Variants in MTAP observed in about 807,000 individuals in gnomAD.
MTAP encodes S-methyl-5'-thioadenosine phosphorylase.
MTAP carries 33 observed loss-of-function variants against 33.6 expected under a neutral mutation model. The observed-to-expected ratio is 0.98, with a 90% CI of 0.74 to 1.31. The LOEUF is 1.31. MTAP is among the 40% of genes most tolerant of loss of function. MTAP has a pLI of 0.00. For synonymous variants in MTAP, 148 were observed against 125.7 expected, an observed-to-expected ratio of 1.18 and a Z score of -1.19; for missense variants, 367 against 360.0, an observed-to-expected ratio of 1.02 and a Z score of -0.16.
intron 1 of MTAP, among the ~76,000 whole-genome samples, chr9:21,808,504 A>G (rs1413556384): frequency 1.3e-5 from 2 of 151,194 alleles, no homozygotes; most frequent in African/African-American, 4.9e-5. Flanking sequence ...TAGGAGGGTC[A>G]CTTGAACCCA....
downstream of MTAP, chr9:21,931,972 G>C (rs76576110): frequency 1.3e-5 from 2 of 152,082 alleles, no homozygotes; most frequent in East Asian, 1.9e-4. Flanking sequence ...TTAAGGCTGC[G>C]GTGAGCCTTG....
downstream of MTAP, chr9:21,935,416 A>C (rs1819025678): frequency 6.8e-6 from 1 of 148,146 alleles, no homozygotes; most frequent in South Asian, 2.1e-4. Context: ...CAGCAGTTAC[A>C]AGCGGTTTTT....
intron 1 of MTAP, among the ~76,000 whole-genome samples, chr9:21,902,669 A>G (rs1818411287): frequency 6.6e-6 from 1 of 152,180 alleles, no homozygotes; most frequent in Admixed American, 6.5e-5. Context: ...TCCTGCATTT[A>G]TTTACTGTTT....
chr9:21,880,022 C>G (rs2118692020), intron 1 of MTAP, among the ~76,000 whole-genome samples: 1 of 152,210 alleles, frequency 6.6e-6, no homozygotes, highest in East Asian at 1.9e-4. Context: ...TCACGATGAT[C>G]TTTTGTAAAA....
chr9:21,843,911 A>G (rs1052312163), intron 5 of MTAP, among the ~76,000 whole-genome samples: 4 of 152,192 alleles, frequency 2.6e-5, no homozygotes, highest in Non-Finnish European at 5.9e-5. Context: ...AGCAGAACTA[A>G]ATGAAATTGA....
chr9:21,809,811 C>G (rs1198899327), intron 1 of MTAP, among the ~76,000 whole-genome samples: 1 of 152,148 alleles, frequency 6.6e-6, no homozygotes, highest in East Asian at 1.9e-4. Flanking sequence ...GGGGAATGTC[C>G]TAGTATCCAG....
At chr9:21,835,283 G>C (rs1424969529) in intron 4 of MTAP, among the ~76,000 whole-genome samples, 4 of 152,034 alleles carry the variant, frequency 2.6e-5, no homozygotes, top group African/African-American at 9.7e-5. Flanking sequence ...ATTTTGGGAG[G>C]ACACAAAACT....
intron 4 of MTAP, among the ~76,000 whole-genome samples, chr9:21,827,933 G>C (rs1022037745): frequency 6.6e-6 from 1 of 152,228 alleles, no homozygotes; most frequent in African/African-American, 2.4e-5. Context: ...TATTACAGAT[G>C]ATACTGTAAA....
intron 1 of MTAP, among the ~76,000 whole-genome samples, chr9:21,905,884 C>T (rs1818468869): frequency 6.6e-6 from 1 of 152,198 alleles, no homozygotes; most frequent in African/African-American, 2.4e-5. Context: ...GATGACAACA[C>T]TTATATTACC....
intron 1 of MTAP, among the ~76,000 whole-genome samples, chr9:21,916,917 A>G (rs1466766440): frequency 6.6e-6 from 1 of 152,174 alleles, no homozygotes; most frequent in Non-Finnish European, 1.5e-5. Flanking sequence ...TACGGAGGAT[A>G]TTGTTGTTAT....
intron 5 of MTAP, among the ~76,000 whole-genome samples, chr9:21,844,332 C>G (rs2058774326): frequency 6.6e-6 from 1 of 152,164 alleles, no homozygotes; most frequent in African/African-American, 2.4e-5. Context: ...CTTACTGAAA[C>G]TATTCCAAAA....
chr9:21,879,655 A>C (rs1415976656), intron 1 of MTAP, among the ~76,000 whole-genome samples: 1 of 151,702 alleles, frequency 6.6e-6, no homozygotes, highest in Non-Finnish European at 1.5e-5. Context: ...TTGGTACTTA[A>C]ATGTGTTTTT....
chr9:21,875,176 C>T (rs1825988188), intron 1 of MTAP, among the ~76,000 whole-genome samples: 1 of 152,062 alleles, frequency 6.6e-6, no homozygotes, highest in East Asian at 1.9e-4. Flanking sequence ...GATTTATAAT[C>T]CTTTGGGTAT....
chr9:21,929,947 C>A, intron 1 of MTAP: 1 of 426,822 alleles, frequency 2.3e-6, no homozygotes, highest in Non-Finnish European at 4.7e-6. Flanking sequence ...ACACCGAAAA[C>A]CAATTCCACC....
Position 21,863,796 on chromosome 9 carries a change from C to T in MTAP, c.*1782C>T, listed in dbSNP as rs371236112. 8 of 985,644 alleles carry T rather than the reference C, an allele frequency of 8.1e-6. No individual in the cohort carries two copies. The East Asian group carries it at 7.9e-4, about 98-fold the overall frequency. The allele number at this position is 985,644 out of a possible 1,614,324, so 61.1% of individuals were successfully genotyped here. On this transcript the variant is annotated 3_prime_UTR_variant, in exon 8 of 8. Coordinates refer to ENST00000644715, the MANE Select transcript of MTAP (RefSeq NM_002451.4). ...GTAAAGTCAATGTGTTTGTTTGTGT[C>T]TCTGAGATTGACTTCAAGATAATAA...
intron 1 of MTAP, among the ~76,000 whole-genome samples, chr9:21,875,680 A>G (rs1283713112): frequency 6.6e-6 from 1 of 152,048 alleles, no homozygotes; most frequent in African/African-American, 2.4e-5. Context: ...TACTAAGGAT[A>G]ATGGCATCCA....
chr9:21,819,125 A>G (rs1488983069), intron 4 of MTAP, among the ~76,000 whole-genome samples: 3 of 144,462 alleles, frequency 2.1e-5, no homozygotes, highest in Non-Finnish European at 3.0e-5. Context: ...TTGTGTATAT[A>G]TACCACATTT....
In MTAP at chr9:21,866,600, G is replaced by A. The variant is rs531075347; in HGVS notation, c.*4586G>A. The A allele has an allele frequency of 7.2e-5, 11 of 152,124 alleles. No individual in the cohort carries two copies. The highest frequency in any genetic ancestry group is 5.2e-4 in the Admixed American group (8 of 15,262). 9.4% of individuals were successfully genotyped at this position (152,124 alleles called of 1,614,324 possible). ...TGATCTATTTATGTCATTTATCTAT[G>A]TGTCTCTTCTTATGCCAGTACCCCA... On this transcript the variant is annotated 3_prime_UTR_variant, in exon 8 of 8. Transcript: ENST00000644715.
intron 1 of MTAP, among the ~76,000 whole-genome samples, chr9:21,890,357 C>A (rs1402808254): frequency 2.0e-5 from 3 of 152,196 alleles, no homozygotes; most frequent in Non-Finnish European, 4.4e-5. Flanking sequence ...CTACATGTCT[C>A]CTTGCTGAGA....
Sources: gnomAD v4.1 joint callset for allele counts (sites outside exome capture counted in the v4.1 genomes callset) on GRCh38, gnomAD v4.1.1 for gene constraint, MANE v1.5 for transcripts, NCBI Gene and HGNC (gene_info 2026-07-23, HGNC 2026-07-21) for gene names.